GNA12: variants seen among roughly 807,000 people sequenced by gnomAD.
The protein encoded by GNA12 is guanine nucleotide-binding protein subunit alpha-12.
GNA12 carries 9 observed loss-of-function variants against 26.0 expected under a neutral mutation model. That is an observed-to-expected ratio of 0.35 (90% CI 0.21 to 0.60). The LOEUF (loss-of-function observed/expected upper bound fraction) is 0.60, where lower values mean the gene tolerates loss of function less well. GNA12 is among the 20% of genes least tolerant of loss of function. The probability of loss-of-function intolerance (pLI) is 0.78; values close to 1 mark genes in which losing one functional copy is unlikely to be tolerated. For synonymous variants in GNA12, 264 were observed against 219.6 expected (o/e 1.20, Z -1.79); for missense variants, 405 against 525.8 (o/e 0.77, Z 2.25).
intron 2 of GNA12, chr7:2,762,440 G>C: frequency 2.0e-6 from 1 of 505,652 alleles, no homozygotes; most frequent in Non-Finnish European, 3.5e-6. Flanking sequence ...GGGCAAAAAC[G>C]CTACTTAACT....
chr7:2,796,604 G>A (rs1684916434), intron 1 of GNA12, among the ~76,000 whole-genome samples: 1 of 152,174 alleles, frequency 6.6e-6, no homozygotes, highest in African/African-American at 2.4e-5. Context: ...AATACGACAA[G>A]CCAAGTAGCC....
At chr7:2,828,686 A>G (rs904720490) in intron 1 of GNA12, among the ~76,000 whole-genome samples, 5 of 152,252 alleles carry the variant, frequency 3.3e-5, no homozygotes, top group African/African-American at 1.2e-4. Flanking sequence ...TAGTGACTTC[A>G]GTTTAGCAGG....
In GNA12 at chr7:2,844,023, G is replaced by C; in HGVS notation, c.139C>G (p.Leu47Val). ...RRRSRDIDALLARERRAVRRL... is the reference protein window; with the variant it reads ...RRRSRDIDALVARERRAVRRL... ...CGGACCGCGCGCCGCTCGCGGGCCA[G>C]CAGCGCGTCGATGTCGCGGCTACGC... The change falls in exon 1 of 4, where the codon CTG becomes GTG. Residue 47 changes from leucine to valine, a missense_variant. Transcript: ENST00000275364. 1 of 1,462,970 alleles carries C rather than the reference G, an allele frequency of 6.8e-7. No homozygotes were observed. The highest frequency in any genetic ancestry group is 9.1e-7 in the Non-Finnish European group (1 of 1,101,028). The allele number at this position is 1,462,970 out of a possible 1,614,324, so 90.6% of individuals were successfully genotyped here.
chr7:2,834,848 A>T (rs146970370), intron 1 of GNA12, among the ~76,000 whole-genome samples: 1 of 152,148 alleles, frequency 6.6e-6, no homozygotes, highest in Non-Finnish European at 1.5e-5. Flanking sequence ...ACGGTCAGCT[A>T]TATTATCTAG....
chr7:2,786,926 G>A (rs1240065508), intron 2 of GNA12, among the ~76,000 whole-genome samples: 1 of 152,178 alleles, frequency 6.6e-6, no homozygotes, highest in Admixed American at 6.5e-5. Flanking sequence ...CTGGCAGAGA[G>A]CCAAGCCCCC....
At chr7:2,785,654 A>G (rs1792340011) in intron 2 of GNA12, among the ~76,000 whole-genome samples, 1 of 146,486 alleles carries the variant, frequency 6.8e-6, no homozygotes, top group South Asian at 2.1e-4. Context: ...ATGTGCATAT[A>G]CACACACATT....
chr7:2,821,753 G>A (rs532617145), intron 1 of GNA12, among the ~76,000 whole-genome samples: 1 of 152,178 alleles, frequency 6.6e-6, no homozygotes, highest in African/African-American at 2.4e-5. Flanking sequence ...TAGTTGCCAG[G>A]AAACATGAGG....
At position 2,840,131 on chromosome 7, in the gene GNA12, C is replaced by T. The variant is rs142965185; in HGVS notation, c.309+3722G>A. Among the ~76,000 whole-genome samples the T allele has an allele frequency of 3.0e-3, 461 of 152,252 alleles. 2 individuals are homozygous for T. Among genetic ancestry groups the T allele is most frequent in the Admixed American group, 5.0e-3 (76 of 15,298 alleles). The stretch of plus-strand genomic sequence containing the variant: ...TCGTGACTGTATCGACGTCAATATC[C>T]TGGTTGTAAGATTGTGCTATCTAGT... On this transcript the variant is annotated intron_variant, in intron 1 of 3. Transcript: ENST00000275364.
At chr7:2,733,632 C>G (rs943501157) in intron 2 of GNA12, 131 bp from the exon 3 acceptor site, 1 of 699,024 alleles carries the variant, frequency 1.4e-6, no homozygotes, top group South Asian at 1.6e-5. Context: ...AGGAAAAAGG[C>G]AGAGAGTGTC....
chr7:2,838,733 A>G (rs1033216250), intron 1 of GNA12, among the ~76,000 whole-genome samples: 1 of 152,256 alleles, frequency 6.6e-6, no homozygotes, highest in African/African-American at 2.4e-5. Context: ...AAGCATTAAT[A>G]AAAACATAAG....
At chr7:2,755,932 T>C (rs114427317) in intron 2 of GNA12, among the ~76,000 whole-genome samples, 1,779 of 152,320 alleles carry the variant, frequency 0.012, 36 homozygotes, top group African/African-American at 0.04. Context: ...TCAATACAAA[T>C]CCCAGCAGGC....
chr7:2,776,541 C>T (rs529827162), intron 2 of GNA12, among the ~76,000 whole-genome samples: 1 of 152,318 alleles, frequency 6.6e-6, no homozygotes, highest in African/African-American at 2.4e-5. Context: ...GGCTAAAGGA[C>T]GTCCCCATTC....
chr7:2,835,402 G>A (rs542617867), intron 1 of GNA12, among the ~76,000 whole-genome samples: 1 of 152,328 alleles, frequency 6.6e-6, no homozygotes, highest in African/African-American at 2.4e-5. Context: ...ATTGATGTTG[G>A]CCCACGGGGG....
At chr7:2,822,064 C>G (rs1339060274) in intron 1 of GNA12, among the ~76,000 whole-genome samples, 1 of 152,148 alleles carries the variant, frequency 6.6e-6, no homozygotes, top group African/African-American at 2.4e-5. Flanking sequence ...TACACATCAA[C>G]AAGGGTGATT....
At chr7:2,762,882 G>C (rs1256453865) in intron 2 of GNA12, 1 of 1,438,072 alleles carries the variant, frequency 7.0e-7, no homozygotes, top group Admixed American at 2.8e-5. Flanking sequence ...CCTGCTCGTG[G>C]AGCCATTGGT....
At chr7:2,788,191 G>A (rs1204566571) in intron 2 of GNA12, among the ~76,000 whole-genome samples, 1 of 151,900 alleles carries the variant, frequency 6.6e-6, no homozygotes, top group Non-Finnish European at 1.5e-5. Context: ...AGAGAGCCAA[G>A]AATATGTGGA....
At chr7:2,804,906 T>G (rs201197956) in intron 1 of GNA12, among the ~76,000 whole-genome samples, 2 of 148,500 alleles carry the variant, frequency 1.3e-5, no homozygotes, top group Non-Finnish European at 3.0e-5. Flanking sequence ...TAAAATAAAT[T>G]AAAAAAAAAA....
intron 2 of GNA12, among the ~76,000 whole-genome samples, chr7:2,765,905 G>C (rs1409852759): frequency 7.2e-6 from 1 of 138,374 alleles, no homozygotes; most frequent in Non-Finnish European, 1.5e-5. Flanking sequence ...AGTTTCCAAA[G>C]TGCTGGGATT....
intron 2 of GNA12, among the ~76,000 whole-genome samples, chr7:2,765,357 G>C (rs1791759212): frequency 6.6e-6 from 1 of 152,012 alleles, no homozygotes; most frequent in South Asian, 2.1e-4. Flanking sequence ...ATTTAGTAGA[G>C]ATGGTGTTAG....
Sources: allele counts gnomAD v4.1 joint callset (sites outside exome capture counted in the v4.1 genomes callset), GRCh38; gene constraint gnomAD v4.1.1; transcripts MANE v1.5; gene names NCBI Gene and HGNC (gene_info 2026-07-23, HGNC 2026-07-21).